Variants in RPAP2 observed in about 807,000 individuals in gnomAD.
The protein encoded by RPAP2 is putative RNA polymerase II subunit B1 CTD phosphatase RPAP2.
A neutral mutation model predicts 73.1 loss-of-function variants in RPAP2; 52 were observed. The ratio of observed to expected loss-of-function variants is 0.71; its 90% CI spans 0.57 to 0.90. RPAP2 has a LOEUF of 0.90. Ranked by LOEUF, RPAP2 falls within the 40% of genes least tolerant of loss-of-function variation. RPAP2 has a pLI of 0.00. For synonymous variants in RPAP2, 225 were observed against 242.1 expected (o/e 0.93, Z 0.65); for missense variants, 598 against 701.8 (o/e 0.85, Z 1.67).
chr1:92,371,213 G>A (rs910444868), intron 11 of RPAP2, among the ~76,000 whole-genome samples: 34 of 152,008 alleles, frequency 2.2e-4, no homozygotes, highest in East Asian at 7.7e-4. Context: ...GCTGAGGCAG[G>A]AGAATCACTT....
chr1:92,300,150 A>G (rs200138332), intron 1 of RPAP2, 44 bp from the exon 2 acceptor site: 1 of 1,392,626 alleles, frequency 7.2e-7, no homozygotes, highest in Non-Finnish European at 1.0e-6. Context: ...TCCGTCGTTT[A>G]CGGAAATGTC....
At chr1:92,371,320 ATAT>A (rs1263817891) in intron 11 of RPAP2, among the ~76,000 whole-genome samples, 587 of 25,940 alleles carry the variant, frequency 0.023, 4 homozygotes, top group African/African-American at 0.075. Context: ...AAAAAAAAAA[ATAT>A]ATATATATAT....
intron 11 of RPAP2, among the ~76,000 whole-genome samples, chr1:92,376,490 A>G (rs1571144630): frequency 6.6e-6 from 1 of 152,344 alleles, no homozygotes; most frequent in Middle Eastern, 3.4e-3. Flanking sequence ...AAGAATAGTC[A>G]GGAAATCCTG....
Position 92,324,384 on chromosome 1 carries a change from T to G in RPAP2, c.1455+9T>G, listed in dbSNP as rs776905524. ...CACAAGACTCAGAAGAGGTATGTCT[T>G]ACAGACATTGAGTTTTTCCAGATCG... On this transcript the variant is annotated intron_variant, in intron 8 of 12. Coordinates refer to ENST00000610020, the MANE Select transcript of RPAP2 (RefSeq NM_024813.3). The G allele has an allele frequency of 6.3e-7, 1 of 1,587,664 alleles. No homozygotes were observed. Among genetic ancestry groups the G allele is most frequent in the South Asian group, 1.1e-5 (1 of 88,652 alleles).
chr1:92,330,258 A>G (rs561719587), intron 8 of RPAP2, among the ~76,000 whole-genome samples: 3 of 152,310 alleles, frequency 2.0e-5, no homozygotes, highest in African/African-American at 4.8e-5. Flanking sequence ...TGCACTGCCT[A>G]TAATTTTCCT....
Position 92,400,335 on chromosome 1 carries a change from G to A in RPAP2, c.*13324G>A, listed in dbSNP as rs72960859. On this transcript the variant is annotated 3_prime_UTR_variant, in exon 13 of 13. Transcript: ENST00000610020. ...GTATACCTTGGTTTGGTTTTGTGGGGTTTTTTGAGACAGGGTCTCACTGTC... is the reference window on the plus strand; with the variant it reads ...GTATACCTTGGTTTGGTTTTGTGGGATTTTTTGAGACAGGGTCTCACTGTC... 405 of 152,854 alleles carry A rather than the reference G, an allele frequency of 2.6e-3. 1 individual carries two copies. The highest frequency in any genetic ancestry group is 8.7e-3 in the African/African-American group (363 of 41,546). The allele number at this position is 152,854 out of a possible 1,614,324, so 9.5% of individuals were successfully genotyped here. A position where few individuals can be genotyped will look rare whatever the true frequency, so the allele number is the denominator to read the frequency against.
intron 9 of RPAP2, among the ~76,000 whole-genome samples, chr1:92,335,256 A>C (rs749962443): frequency 4.1e-4 from 62 of 152,188 alleles, no homozygotes; most frequent in Non-Finnish European, 7.2e-4. Context: ...TGCTGAAGGG[A>C]ATGAAAAATG....
chr1:92,325,042 T>C (rs1319179296), intron 8 of RPAP2, among the ~76,000 whole-genome samples: 2 of 152,200 alleles, frequency 1.3e-5, no homozygotes, highest in Non-Finnish European at 2.9e-5. Flanking sequence ...TATAAAGCAT[T>C]TATCACAGTA....
chr1:92,350,839 G>A (rs1000187867), intron 11 of RPAP2, among the ~76,000 whole-genome samples: 4 of 152,144 alleles, frequency 2.6e-5, no homozygotes, highest in Admixed American at 1.3e-4. Flanking sequence ...GGCTGAGGCA[G>A]GAAAATCACT....
chr1:92,339,204 A>C (rs1206740268), intron 10 of RPAP2, among the ~76,000 whole-genome samples: 2 of 152,112 alleles, frequency 1.3e-5, no homozygotes, highest in African/African-American at 4.8e-5. Context: ...CTTTAGGAAA[A>C]AAATGTTAGG....
At chr1:92,372,141 AAAT>A (rs1403094092) in intron 11 of RPAP2, among the ~76,000 whole-genome samples, 2 of 152,166 alleles carry the variant, frequency 1.3e-5, no homozygotes, top group African/African-American at 4.8e-5. Context: ...GCCAATTAAA[AAAT>A]AACTTTATGT....
intron 3 of RPAP2, among the ~76,000 whole-genome samples, chr1:92,303,388 TG>T (rs1650998106): frequency 6.6e-6 from 1 of 152,206 alleles, no homozygotes; most frequent in Non-Finnish European, 1.5e-5. Flanking sequence ...CTCAAAGTTA[TG>T]AACAAGAATC....
intron 8 of RPAP2, chr1:92,333,148 ATTAATATCCC>A (rs1653073012): frequency 4.5e-6 from 2 of 440,404 alleles, no homozygotes; most frequent in Admixed American, 7.4e-5. Flanking sequence ...TAAAGGAGGT[ATTAATATCCC>A]AATTATAAAG....
At chr1:92,350,810 T>C (rs1654164232) in intron 11 of RPAP2, among the ~76,000 whole-genome samples, 1 of 152,182 alleles carries the variant, frequency 6.6e-6, no homozygotes, top group East Asian at 1.9e-4. Flanking sequence ...GGCATGCCTA[T>C]AGTTCCAGCT....
In RPAP2 at chr1:92,345,925, T is replaced by C; in HGVS notation, c.1688+11T>C. The C allele has an allele frequency of 6.4e-7, 1 of 1,569,434 alleles. No homozygotes were observed. Among genetic ancestry groups the C allele is most frequent in the Non-Finnish European group, 8.8e-7 (1 of 1,142,048 alleles). ...GGTGTTGCTGTCATTGTAAGTACTC[T>C]CTCAGATTTTAACTCTAAATACTAA... On this transcript the variant is annotated intron_variant, in intron 11 of 12. Coordinates refer to ENST00000610020, the MANE Select transcript of RPAP2 (RefSeq NM_024813.3).
intron 10 of RPAP2, among the ~76,000 whole-genome samples, chr1:92,339,499 CACTG>C (rs1653481934): frequency 6.6e-6 from 1 of 152,156 alleles, no homozygotes; most frequent in South Asian, 2.1e-4. Flanking sequence ...ACAAATACCT[CACTG>C]ACCTTCCCAG....
rs75160792 is a variant in RPAP2 at position 92,333,608 on chromosome 1, C to T, written c.1538+135C>T. ...TGTGAAAAGTTCACATGGATTTCTTCACTTAAGAAATTTGGATTTTTAAGA... is the reference window on the plus strand; with the variant it reads ...TGTGAAAAGTTCACATGGATTTCTTTACTTAAGAAATTTGGATTTTTAAGA... On this transcript the variant is annotated intron_variant, in intron 9 of 12. Coordinates refer to ENST00000610020, the MANE Select transcript of RPAP2 (RefSeq NM_024813.3). 1,218 of 667,368 alleles carry T rather than the reference C, an allele frequency of 1.8e-3. 16 individuals are homozygous for T. The highest frequency in any genetic ancestry group is 0.018 in the African/African-American group (966 of 55,038). The allele number at this position is 667,368 out of a possible 1,614,324, so 41.3% of individuals were successfully genotyped here.
intron 6 of RPAP2, among the ~76,000 whole-genome samples, chr1:92,309,759 A>G (rs1651480041): frequency 7.2e-5 from 11 of 152,178 alleles, no homozygotes. Context: ...ATAATGAGAA[A>G]CTGTGAGCAA....
At chr1:92,300,364 A>G in intron 2 of RPAP2, 125 bp downstream of exon 2, 1 of 721,634 alleles carries the variant, frequency 1.4e-6, no homozygotes, top group East Asian at 2.6e-5. Flanking sequence ...GGGAAGGGAA[A>G]GATCTGGGAA....
Sources: gnomAD v4.1 joint callset for allele counts (sites outside exome capture counted in the v4.1 genomes callset) on GRCh38, gnomAD v4.1.1 for gene constraint, MANE v1.5 for transcripts, NCBI Gene and HGNC (gene_info 2026-07-23, HGNC 2026-07-21) for gene names.